NOL4: variants seen among roughly 807,000 people sequenced by gnomAD.
The protein encoded by NOL4 is nucleolar protein 4.
Under a neutral mutation model 75.9 loss-of-function variants are expected in NOL4, and 17 were observed. That is an observed-to-expected ratio of 0.22 (90% CI 0.15 to 0.34). The LOEUF is 0.34. Among genes scored for constraint, NOL4 ranks in the 10% least tolerant of loss-of-function variants. NOL4 has a pLI of 1.00. For synonymous variants in NOL4, 292 were observed against 289.9 expected, an observed-to-expected ratio of 1.01 and a Z score of -0.07; for missense variants, 614 against 793.5, an observed-to-expected ratio of 0.77 and a Z score of 2.72.
chr18:33,938,314 T>TA lies in NOL4; in HGVS notation c.1542+4750dup, dbSNP rs548233573. 2.7e-3 allele frequency among the ~76,000 whole-genome samples: 415 copies of TA among 152,174 alleles called. 2 individuals carry two copies. Among genetic ancestry groups the TA allele is most frequent in the Middle Eastern group, 0.017 (5 of 294 alleles). ...TAGTAAATCTTAAAAGAGTTTAATT[T>TA]AAAAAAATTATTTCTTCATTATTCC... On this transcript the variant is annotated intron_variant, in intron 9 of 10. Coordinates refer to ENST00000261592, the MANE Select transcript of NOL4 (RefSeq NM_003787.5).
chr18:34,107,695 A>G (rs2079373879), intron 2 of NOL4, among the ~76,000 whole-genome samples: 1 of 151,744 alleles, frequency 6.6e-6, no homozygotes, highest in South Asian at 2.1e-4. Context: ...AAAAAAAAAA[A>G]CTTTTTTCCC....
chr18:33,886,527 C>CA (rs552709755), intron 9 of NOL4, among the ~76,000 whole-genome samples: 1,532 of 83,460 alleles, frequency 0.018, 20 homozygotes, highest in African/African-American at 0.043. Flanking sequence ...GACTCCATCT[C>CA]AAAAAAAAAA....
chr18:34,039,698 A>G (rs2076057902), intron 5 of NOL4, among the ~76,000 whole-genome samples: 1 of 152,018 alleles, frequency 6.6e-6, no homozygotes, highest in Non-Finnish European at 1.5e-5. Context: ...TCAGCAAAAC[A>G]TTGGCAAAAT....
chr18:33,933,390 T>C (rs2067833875), intron 9 of NOL4, among the ~76,000 whole-genome samples: 1 of 152,144 alleles, frequency 6.6e-6, no homozygotes, highest in Admixed American at 6.6e-5. Flanking sequence ...GACAATTTCT[T>C]AAATAAAGAC....
intron 9 of NOL4, among the ~76,000 whole-genome samples, chr18:33,932,213 A>G (rs558331882): frequency 5.3e-5 from 8 of 152,120 alleles, no homozygotes; most frequent in African/African-American, 1.9e-4. Flanking sequence ...ATATCAGGAC[A>G]TTTTATATAT....
chr18:33,909,894 A>C (rs933941123), intron 9 of NOL4, among the ~76,000 whole-genome samples: 1 of 152,200 alleles, frequency 6.6e-6, no homozygotes, highest in Non-Finnish European at 1.5e-5. Context: ...TGGGTGATGT[A>C]AACTAATGAT....
At chr18:34,195,562 C>T (rs886198163) in intron 1 of NOL4, among the ~76,000 whole-genome samples, 2 of 150,968 alleles carry the variant, frequency 1.3e-5, no homozygotes, top group East Asian at 3.9e-4. Flanking sequence ...AGATTGTTAC[C>T]TTTTCAAATA....
chr18:34,208,813 G>C (rs900557103), intron 1 of NOL4, among the ~76,000 whole-genome samples: 2 of 152,052 alleles, frequency 1.3e-5, no homozygotes, highest in African/African-American at 4.8e-5. Flanking sequence ...AGTAAGCCGA[G>C]ATTGCGCCAC....
chr18:34,048,355 T>C (rs2076474539), intron 5 of NOL4: 2 of 684,336 alleles, frequency 2.9e-6, no homozygotes, highest in Admixed American at 1.3e-4. Context: ...CTCCTGTCAT[T>C]CTACTGCTTC....
intron 5 of NOL4, among the ~76,000 whole-genome samples, chr18:34,072,589 T>C (rs551468025): frequency 6.6e-6 from 1 of 152,264 alleles, no homozygotes; most frequent in East Asian, 1.9e-4. Context: ...ACACTATCAA[T>C]CAAGTTGACT....
intron 6 of NOL4, among the ~76,000 whole-genome samples, chr18:34,006,434 G>A (rs1470001574): frequency 6.6e-6 from 1 of 152,048 alleles, no homozygotes; most frequent in East Asian, 1.9e-4. Flanking sequence ...AATTTGCTGA[G>A]TACCCAATCT....
chr18:34,101,211 C>T (rs2079028515), intron 4 of NOL4, among the ~76,000 whole-genome samples: 2 of 152,194 alleles, frequency 1.3e-5, no homozygotes, highest in South Asian at 4.1e-4. Context: ...AAACCCTTGG[C>T]ATTAGCTTCT....
At chr18:34,022,631 T>A (rs1035266346) in intron 5 of NOL4, among the ~76,000 whole-genome samples, 1 of 152,044 alleles carries the variant, frequency 6.6e-6, no homozygotes, top group Non-Finnish European at 1.5e-5. Context: ...TCAACTCCAA[T>A]TTTTAATTCA....
intron 8 of NOL4, among the ~76,000 whole-genome samples, chr18:33,950,763 T>C (rs540047299): frequency 1.3e-5 from 2 of 152,240 alleles, no homozygotes; most frequent in Admixed American, 1.3e-4. Context: ...GAGGATTAAA[T>C]AGACAAAGAC....
At chr18:34,095,816 G>A (rs2078753268) in intron 4 of NOL4, among the ~76,000 whole-genome samples, 1 of 151,998 alleles carries the variant, frequency 6.6e-6, no homozygotes, top group African/African-American at 2.4e-5. Flanking sequence ...CAAACAAAAT[G>A]TGTTACTAAA....
Position 34,221,604 on chromosome 18 carries a change from TA to T in NOL4, c.264+1385del, listed in dbSNP as rs11388127. The T allele has an allele frequency of 6.1e-3, 855 of 139,290 alleles. 4 individuals carry two copies. Among genetic ancestry groups the T allele is most frequent in the African/African-American group, 0.012 (459 of 38,666 alleles). 8.6% of individuals were successfully genotyped at this position (139,290 alleles called of 1,614,324 possible). Reference sequence around the variant, plus strand: ...AAATCTCCCAACAATAGTACATTGTTAAAAAAAAAAAAAAAACCACCACAGA... The same window carrying T: ...AAATCTCCCAACAATAGTACATTGTTAAAAAAAAAAAAAAACCACCACAGA... On this transcript the variant is annotated intron_variant, in intron 1 of 10. Transcript: ENST00000261592.
At chr18:34,166,351 A>T (rs2032332190) in intron 1 of NOL4, among the ~76,000 whole-genome samples, 1 of 152,158 alleles carries the variant, frequency 6.6e-6, no homozygotes, top group Non-Finnish European at 1.5e-5. Context: ...CCCTCTCAAC[A>T]AGGTATGCCA....
chr18:34,179,291 T>C (rs1050844186), intron 1 of NOL4, among the ~76,000 whole-genome samples: 1 of 151,104 alleles, frequency 6.6e-6, no homozygotes, highest in African/African-American at 2.4e-5. Flanking sequence ...GCCTTCCACC[T>C]TAATAAACTA....
At chr18:34,074,707 A>G (rs2145309926) in intron 5 of NOL4, among the ~76,000 whole-genome samples, 1 of 152,184 alleles carries the variant, frequency 6.6e-6, no homozygotes, top group East Asian at 1.9e-4. Context: ...ACAGATAGAT[A>G]CTTTTTTGGA....
Sources: allele counts gnomAD v4.1 joint callset (sites outside exome capture counted in the v4.1 genomes callset), GRCh38; gene constraint gnomAD v4.1.1; transcripts MANE v1.5; gene names NCBI Gene and HGNC (gene_info 2026-07-23, HGNC 2026-07-21).